The following SUGT1 variants were observed in gnomAD, a reference collection of about 807,000 sequenced individuals.
SUGT1 encodes the protein protein SGT1 homolog.
A neutral mutation model predicts 56.1 loss-of-function variants in SUGT1; 15 were observed. The ratio of observed to expected loss-of-function variants is 0.27; its 90% confidence interval spans 0.18 to 0.41. SUGT1 has a LOEUF of 0.41. Ranked by LOEUF, SUGT1 falls within the 10% of genes least tolerant of loss-of-function variation. The pLI is 1.00. For missense variants in SUGT1, 347 were observed against 382.2 expected, an observed-to-expected ratio of 0.91 and a Z score of 0.77; for synonymous variants, 123 against 128.6, an observed-to-expected ratio of 0.96 and a Z score of 0.30.
chr13:52,653,814 T>C (rs1312404419), intron 2 of SUGT1, among the ~76,000 whole-genome samples: 1 of 150,428 alleles, frequency 6.6e-6, no homozygotes, highest in African/African-American at 2.4e-5. Flanking sequence ...TAGCCAGGAG[T>C]TTTTGTTTGT....
In SUGT1 at chr13:52,687,757, G is replaced by T; in HGVS notation, c.924G>T (p.Leu308Phe). Residue 308 changes from leucine to phenylalanine, a missense_variant, in exon 13 of 13, where the codon TTG becomes TTT. Physicochemically the swap from Leu to Phe is conservative, Grantham distance 22. Transcript: ENST00000310528. ...KSFMESGGTV[L>F]STNWSDVGKR... ...AGATGGAGTCGGGTGGTACAGTTTT[G>T]AGTACCAACTGGTCTGATGTAGGTA... 6.2e-7 allele frequency: 1 copy of T among 1,600,400 alleles called. No homozygotes were observed. Among genetic ancestry groups the T allele is most frequent in the South Asian group, 1.1e-5 (1 of 87,600 alleles).
rs749795818 is a variant in SUGT1, at chr13:52,666,946, A to G, written c.627+27A>G. On this transcript the variant is annotated intron_variant, in intron 10 of 12. Coordinates refer to ENST00000310528, the MANE Select transcript of SUGT1 (RefSeq NM_006704.5). ...TAAGACCATTGAAAAGTTTGTTACTAGTAATATTTTCAAAATTATAGAAAT... is the reference window on the plus strand; with the variant it reads ...TAAGACCATTGAAAAGTTTGTTACTGGTAATATTTTCAAAATTATAGAAAT... 2.7e-6 allele frequency: 4 copies of G among 1,508,894 alleles called. No homozygotes were observed. In the East Asian group the frequency reaches 6.8e-5, roughly 26 times the overall value. The allele number at this position is 1,508,894 out of a possible 1,614,324, so 93.5% of individuals were successfully genotyped here.
At position 52,659,136 on chromosome 13, in the gene SUGT1, G is replaced by C. The variant is rs9634854; in HGVS notation, c.258-43G>C. 7.4e-5 allele frequency: 108 copies of C among 1,464,982 alleles called. 1 individual carries two copies. The highest frequency in any genetic ancestry group is 9.7e-5 in the Non-Finnish European group (107 of 1,098,708). The allele number at this position is 1,464,982 out of a possible 1,614,324, so 90.7% of individuals were successfully genotyped here. ...TTATTTAGAAAGAAGGTATTTTCCA[G>C]ATTTTTTGTGTGTCTTAATTTGTTT... On this transcript the variant is annotated intron_variant, in intron 4 of 12. Transcript: ENST00000310528.
chr13:52,653,088 C>A lies in SUGT1; in HGVS notation c.81C>A (p.Pro27=), dbSNP rs544211351. Reference sequence around the variant, plus strand: ...CGGATGCCCTAATCGACGAGGACCCCCAGGCGGCGTTAGAGGTGAGAGAGC... The same window carrying A: ...CGGATGCCCTAATCGACGAGGACCCACAGGCGGCGTTAGAGGTGAGAGAGC... ...SFSDALIDED[P]QAALEELTKA... The change falls in exon 2 of 13, where the codon CCC becomes CCA. Residue 27 remains proline (P), a synonymous_variant. Transcript: ENST00000310528. 3 of 1,614,142 alleles carry A rather than the reference C, an allele frequency of 1.9e-6. No homozygotes were observed. The Admixed American group carries it at 5.0e-5, about 27-fold the overall frequency.
At position 52,694,500 on chromosome 13, in the gene SUGT1, T is replaced by C. The variant is rs1963867344; in HGVS notation, c.*6665T>C. The C allele has an allele frequency of 1.3e-5, 2 of 152,222 alleles. No individual in the cohort carries two copies. The highest frequency in any genetic ancestry group is 6.5e-5 in the Admixed American group (1 of 15,286). The allele number at this position is 152,222 out of a possible 1,614,324, so 9.4% of individuals were successfully genotyped here. On this transcript the variant is annotated 3_prime_UTR_variant, in exon 13 of 13. Coordinates refer to ENST00000310528, the MANE Select transcript of SUGT1 (RefSeq NM_006704.5). ...TAAAATAAAATAGTGGCAGAAAATA[T>C]AAACTAGATGTAGAATGTTAAGGAA...
At chr13:52,658,797 A>G (rs1962288487) in intron 4 of SUGT1, among the ~76,000 whole-genome samples, 1 of 150,014 alleles carries the variant, frequency 6.7e-6, no homozygotes, top group Non-Finnish European at 1.5e-5. Flanking sequence ...ACTGGACAAC[A>G]TCCTATTCAG....
rs2138196287 is a variant in SUGT1, at chr13:52,695,610, G to A, written c.*7775G>A. 6.6e-6 allele frequency: 1 copy of A among 152,190 alleles called. No homozygotes were observed. Among genetic ancestry groups the A allele is most frequent in the African/African-American group, 2.4e-5 (1 of 41,534 alleles). The allele number at this position is 152,190 out of a possible 1,614,324, so 9.4% of individuals were successfully genotyped here. ...TTAGTGTTGAAATTCTTCAAAGGAG[G>A]GTGAGTCTGGCATTTACCTGCTATT... is the stretch of plus-strand genomic sequence containing the variant. On this transcript the variant is annotated 3_prime_UTR_variant, in exon 13 of 13. Transcript: ENST00000310528.
Position 52,666,925 on chromosome 13 carries a change from A to C in SUGT1, c.627+6A>C. The C allele has an allele frequency of 6.3e-7, 1 of 1,592,462 alleles. No homozygotes were observed. Among genetic ancestry groups the C allele is most frequent in the Non-Finnish European group, 8.6e-7 (1 of 1,167,000 alleles). On this transcript the variant is annotated splice_donor_region_variant and intron_variant, in intron 10 of 12. Transcript: ENST00000310528. Reference sequence around the variant, plus strand: ...TTAAAGTACTTTCAACAAAGGTAAGACCATTGAAAAGTTTGTTACTAGTAA... The same window carrying C: ...TTAAAGTACTTTCAACAAAGGTAAGCCCATTGAAAAGTTTGTTACTAGTAA...
In SUGT1 at chr13:52,665,745, G is replaced by A. The variant is rs1365847827; in HGVS notation, c.519+12G>A. On this transcript the variant is annotated intron_variant, in intron 9 of 12. Transcript: ENST00000310528. ...TTTCAGAAAAAGAGGTCAGTAGACTGAATCATTTTTCAATGTTGATTACTA... is the reference window on the plus strand; with the variant it reads ...TTTCAGAAAAAGAGGTCAGTAGACTAAATCATTTTTCAATGTTGATTACTA... 4 of 1,559,506 alleles carry A rather than the reference G, an allele frequency of 2.6e-6. No homozygotes were observed. The highest frequency in any genetic ancestry group is 2.6e-6 in the Non-Finnish European group (3 of 1,150,640).
At chr13:52,663,155 A>C in intron 7 of SUGT1, 43 bp downstream of exon 7, 1 of 1,586,590 alleles carries the variant, frequency 6.3e-7, no homozygotes, top group Non-Finnish European at 8.6e-7. Context: ...ATTATTTTAA[A>C]TTTCAGCTAC....
rs569393451 is a variant in SUGT1 at position 52,697,852 on chromosome 13, A to C, written c.*10017A>C. On this transcript the variant is annotated 3_prime_UTR_variant, in exon 13 of 13. Transcript: ENST00000310528. Reference sequence around the variant, plus strand: ...TCAGACACTGAGCTAGGTGCTAGGTACTAGGTAAACAAAATTCCCTGCCTT... The same window carrying C: ...TCAGACACTGAGCTAGGTGCTAGGTCCTAGGTAAACAAAATTCCCTGCCTT... 1 of 152,224 alleles carries C rather than the reference A, an allele frequency of 6.6e-6. No individual in the cohort carries two copies. Among genetic ancestry groups the C allele is most frequent in the Non-Finnish European group, 1.5e-5 (1 of 68,038 alleles). 9.4% of individuals were successfully genotyped at this position (152,224 alleles called of 1,614,324 possible).
rs890297409 is a variant in SUGT1 at position 52,693,050 on chromosome 13, A to T, written c.*5215A>T. On this transcript the variant is annotated 3_prime_UTR_variant, in exon 13 of 13. Coordinates refer to ENST00000310528, the MANE Select transcript of SUGT1 (RefSeq NM_006704.5). ...ACAGACATGTTAGGATTTGTGTATC[A>T]CTGATTTCTCCAATAAAATTTGAAT... The T allele has an allele frequency of 1.3e-5, 2 of 152,106 alleles. No individual in the cohort carries two copies. Among genetic ancestry groups the T allele is most frequent in the African/African-American group, 2.4e-5 (1 of 41,410 alleles). The allele number at this position is 152,106 out of a possible 1,614,324, so 9.4% of individuals were successfully genotyped here. A position where few individuals can be genotyped will look rare whatever the true frequency, so the allele number is the denominator to read the frequency against.
intron 5 of SUGT1, 103 bp from the exon 6 acceptor site, chr13:52,662,546 A>AATAG: frequency 1.7e-6 from 2 of 1,148,066 alleles, no homozygotes; most frequent in South Asian, 1.5e-5. Flanking sequence ...CCGACTCCCC[A>AATAG]GTGCCTAGAA....
At chr13:52,660,798 A>G (rs941626223) in intron 5 of SUGT1, among the ~76,000 whole-genome samples, 15 of 152,066 alleles carry the variant, frequency 9.9e-5, no homozygotes, top group Non-Finnish European at 1.5e-5. Context: ...CATTCTCTAC[A>G]TTTTCATTTT....
At chr13:52,682,373 A>G (rs967522814) in intron 12 of SUGT1, among the ~76,000 whole-genome samples, 1 of 19,742 alleles carries the variant, frequency 5.1e-5, no homozygotes, top group African/African-American at 1.9e-4. Context: ...TAATTTTTAA[A>G]ATTTTTTGTA....
At chr13:52,665,770 A>G (rs760077552) in intron 9 of SUGT1, 37 bp downstream of exon 9, 73 of 1,428,626 alleles carry the variant, frequency 5.1e-5, no homozygotes, top group Non-Finnish European at 6.3e-5. Context: ...GTTGATTACT[A>G]TTATTTGCAA....
intron 12 of SUGT1, chr13:52,687,166 A>G (rs1409856588): frequency 6.6e-6 from 1 of 150,700 alleles, no homozygotes; most frequent in Non-Finnish European, 1.5e-5. Flanking sequence ...TATTCAGTAG[A>G]TGGTAAATAA....
intron 10 of SUGT1, among the ~76,000 whole-genome samples, chr13:52,668,712 A>G (rs1481590915): frequency 6.6e-6 from 1 of 152,066 alleles, no homozygotes. Flanking sequence ...AGAGGGATAT[A>G]GTTCATAAAA....
intron 12 of SUGT1, among the ~76,000 whole-genome samples, chr13:52,683,380 TCTTC>T (rs1404675874): frequency 3.9e-5 from 6 of 152,202 alleles, no homozygotes; most frequent in East Asian, 1.9e-4. Context: ...ATATGATTTT[TCTTC>T]CTTAGCCTGT....
Sources: gnomAD v4.1 joint callset for allele counts (sites outside exome capture counted in the v4.1 genomes callset) on GRCh38, gnomAD v4.1.1 for gene constraint, MANE v1.5 for transcripts, NCBI Gene and HGNC (gene_info 2026-07-23, HGNC 2026-07-21) for gene names.